Variants in FIGLA observed in about 807,000 individuals in gnomAD.
FIGLA encodes the protein folliculogenesis specific bHLH transcription factor, also known as factor in the germline alpha.
Under a neutral mutation model 21.5 loss-of-function variants are expected in FIGLA, and 17 were observed. The ratio of observed to expected loss-of-function variants is 0.79; its 90% CI spans 0.54 to 1.19. The LOEUF (loss-of-function observed/expected upper bound fraction) is 1.19. FIGLA is among the 50% of genes most tolerant of loss of function. The pLI is 0.00. For synonymous variants in FIGLA, 129 were observed against 117.6 expected, an observed-to-expected ratio of 1.10 and a Z score of -0.63; for missense variants, 282 against 285.0, an observed-to-expected ratio of 0.99 and a Z score of 0.08.
chr2:70,786,169 T>C (rs1675951861), intron 2 of FIGLA, among the ~76,000 whole-genome samples: 1 of 148,634 alleles, frequency 6.7e-6, no homozygotes, highest in South Asian at 2.2e-4. Flanking sequence ...CTTCTGTTCC[T>C]AAACATGATC....
chr2:70,785,845 A>G (rs1359339656), intron 2 of FIGLA, among the ~76,000 whole-genome samples: 5 of 152,246 alleles, frequency 3.3e-5, no homozygotes, highest in African/African-American at 1.2e-4. Context: ...AGGTAACTGC[A>G]TTAAAAATAT....
At chr2:70,787,386 C>A (rs782212985) in intron 2 of FIGLA, among the ~76,000 whole-genome samples, 1 of 152,184 alleles carries the variant, frequency 6.6e-6, no homozygotes, top group African/African-American at 2.4e-5. Context: ...TGGATAGTGA[C>A]CATAGGCAAG....
rs1266684273 is a variant in FIGLA at position 70,790,613 on chromosome 2, T to C, written c.26A>G (p.Asp9Gly). ...GAGCGCGGGCGGCGCGGCGCGGGGA[T>C]CTAGGACGCCGGGCGCGGGGTCCAT... MDPAPGVL[D>G]PRAAPPALLG... Residue 9 changes from aspartate (D) to glycine (G), a missense_variant, in exon 1 of 5, where the codon GAT (aspartate) becomes GGT (glycine). Asp to Gly is a moderately conservative substitution (Grantham distance 94). Transcript: ENST00000332372. 8.4e-6 allele frequency: 12 copies of C among 1,433,028 alleles called. No individual in the cohort carries two copies. The highest frequency in any genetic ancestry group is 1.5e-5 in the African/African-American group (1 of 67,062). The allele number at this position is 1,433,028 out of a possible 1,614,324, so 88.8% of individuals were successfully genotyped here.
intron 3 of FIGLA, among the ~76,000 whole-genome samples, chr2:70,782,409 C>A (rs1207750521): frequency 6.6e-6 from 1 of 152,194 alleles, no homozygotes; most frequent in Non-Finnish European, 1.5e-5. Context: ...CCAAACGTGT[C>A]ATGGTTATAA....
chr2:70,790,349 G>C, intron 1 of FIGLA, 59 bp downstream of exon 1: 1 of 1,452,900 alleles, frequency 6.9e-7, no homozygotes, highest in Admixed American at 2.2e-5. Flanking sequence ...GTGTTGACCA[G>C]GTGTTTGGTG....
At position 70,786,452 on chromosome 2, in the gene FIGLA, T is replaced by TGCCACCACGCCC. The variant is rs376771791; in HGVS notation, c.385-825_385-814dup. On this transcript the variant is annotated intron_variant, in intron 2 of 4. Transcript: ENST00000332372. ...CTGAGTAGCTGGGACTACCGGCGCC[T>TGCCACCACGCCC]GCCACCACGCCCGGCTAATTTTTTT... Among the ~76,000 whole-genome samples the TGCCACCACGCCC allele has an allele frequency of 8.2e-3, 1,250 of 152,112 alleles. 19 individuals carry two copies. The highest frequency in any genetic ancestry group is 0.028 in the African/African-American group (1,179 of 41,476).
rs150205874 is a variant in FIGLA, at chr2:70,777,314, T to G, written c.*53A>C. The G allele has an allele frequency of 6.3e-4, 820 of 1,310,826 alleles. 3 individuals are homozygous for G. The African/African-American group carries it at 0.011, about 18-fold the overall frequency. The allele number at this position is 1,310,826 out of a possible 1,614,324, so 81.2% of individuals were successfully genotyped here. ...AAAAAAAAAGAGAGACTCCAAAACTTTCAAGACTGCATTTATTTGTCTCTA... is the reference window on the plus strand; with the variant it reads ...AAAAAAAAAGAGAGACTCCAAAACTGTCAAGACTGCATTTATTTGTCTCTA... On this transcript the variant is annotated 3_prime_UTR_variant, in exon 5 of 5. Coordinates refer to ENST00000332372, the MANE Select transcript of FIGLA (RefSeq NM_001004311.3).
intron 3 of FIGLA, 41 bp from the exon 4 acceptor site, chr2:70,777,712 C>A (rs553571277): frequency 7.5e-6 from 8 of 1,062,350 alleles, no homozygotes; most frequent in South Asian, 5.7e-5. Flanking sequence ...CTAAACACAT[C>A]GGTTATTTGT....
At chr2:70,785,666 A>G (rs1553389898) in intron 2 of FIGLA, 27 bp from the exon 3 acceptor site, 1 of 1,549,350 alleles carries the variant, frequency 6.5e-7, no homozygotes, top group South Asian at 1.1e-5. Flanking sequence ...GTTGTCAAAC[A>G]GTATAATATG....
At chr2:70,778,549 A>T (rs6715665) in intron 3 of FIGLA, among the ~76,000 whole-genome samples, 104,284 of 151,960 alleles carry the variant, frequency 0.69, 37,130 homozygotes, top group East Asian at 0.91. Flanking sequence ...AATTCATATA[A>T]ATTTACCTGA....
intron 3 of FIGLA, among the ~76,000 whole-genome samples, chr2:70,778,682 A>C (rs1675805827): frequency 6.6e-6 from 1 of 152,192 alleles, no homozygotes; most frequent in African/African-American, 2.4e-5. Context: ...GAGAATAGAA[A>C]AACTTGCCAA....
At chr2:70,780,941 A>G (rs1485891169) in intron 3 of FIGLA, among the ~76,000 whole-genome samples, 2 of 152,170 alleles carry the variant, frequency 1.3e-5, no homozygotes, top group African/African-American at 2.4e-5. Flanking sequence ...GTACAGCCCA[A>G]TCAGGATGAG....
intron 1 of FIGLA, among the ~76,000 whole-genome samples, chr2:70,788,420 A>C (rs190939235): frequency 6.6e-6 from 1 of 152,312 alleles, no homozygotes; most frequent in Non-Finnish European, 1.5e-5. Flanking sequence ...CAAGGGTGAG[A>C]ATCCAGAGAG....
rs898593088 is a variant in FIGLA, at chr2:70,784,394, C to T, written c.609+1021G>A. On this transcript the variant is annotated intron_variant, in intron 3 of 4. Coordinates refer to ENST00000332372, the MANE Select transcript of FIGLA (RefSeq NM_001004311.3). ...GAGAAGTTGGTATCTATCCAAGTGA[C>T]GTGACAGGTATTATGCCAGATACTT... Among the ~76,000 whole-genome samples, 8 of 152,264 alleles carry T rather than the reference C, an allele frequency of 5.3e-5. 1 individual carries two copies. In the South Asian group the frequency reaches 1.2e-3, roughly 24 times the overall value.
At chr2:70,789,559 C>G (rs1188917599) in intron 1 of FIGLA, among the ~76,000 whole-genome samples, 8 of 152,176 alleles carry the variant, frequency 5.3e-5, no homozygotes, top group Admixed American at 2.0e-4. Context: ...ACTTGATTCA[C>G]TGGGACATTT....
intron 3 of FIGLA, among the ~76,000 whole-genome samples, chr2:70,778,639 C>G (rs1675805289): frequency 6.6e-6 from 1 of 152,010 alleles, no homozygotes; most frequent in Non-Finnish European, 1.5e-5. Context: ...TAAGAATTAG[C>G]TGGAAAATTT....
At chr2:70,780,753 T>A (rs1195698111) in intron 3 of FIGLA, among the ~76,000 whole-genome samples, 1 of 152,154 alleles carries the variant, frequency 6.6e-6, no homozygotes, top group Non-Finnish European at 1.5e-5. Context: ...TCAGTACTAA[T>A]GTCATCAGTT....
rs1553390673 is a variant in FIGLA at position 70,790,396 on chromosome 2, G to C, written c.231+12C>G. 5 of 1,522,838 alleles carry C rather than the reference G, an allele frequency of 3.3e-6. No individual in the cohort carries two copies. The highest frequency in any genetic ancestry group is 1.4e-5 in the African/African-American group (1 of 71,304). 94.3% of individuals were successfully genotyped at this position (1,522,838 alleles called of 1,614,324 possible). A position where few individuals can be genotyped will look rare whatever the true frequency, so the allele number is the denominator to read the frequency against. On this transcript the variant is annotated intron_variant, in intron 1 of 4. Transcript: ENST00000332372. ...AAGGGGGGAACGGACGTCGACCCTA[G>C]GGATCCCTCACCCGCTCACGCTCCT...
intron 1 of FIGLA, 43 bp downstream of exon 1, chr2:70,790,365 G>A: frequency 6.8e-7 from 1 of 1,481,082 alleles, no homozygotes; most frequent in East Asian, 2.8e-5. Context: ...TGGTGGTAGA[G>A]CAGGGAAGGG....
Sources: gnomAD v4.1 joint callset for allele counts (sites outside exome capture counted in the v4.1 genomes callset) on GRCh38, gnomAD v4.1.1 for gene constraint, MANE v1.5 for transcripts, NCBI Gene and HGNC (gene_info 2026-07-23, HGNC 2026-07-21) for gene names.